The following TIAM2 variants were observed in gnomAD, a reference collection of about 807,000 sequenced individuals.
TIAM2 encodes the protein TIAM Rac1 associated GEF 2, also known as rho guanine nucleotide exchange factor TIAM2.
Under a neutral mutation model 152.9 loss-of-function variants are expected in TIAM2, and 80 were observed. The ratio of observed to expected loss-of-function variants is 0.52; its 90% CI spans 0.44 to 0.63. The LOEUF is 0.63. TIAM2 is among the 30% of genes least tolerant of loss of function. The pLI is 0.00. For missense variants in TIAM2, 1,965 were observed against 2,120.1 expected (o/e 0.93, Z 1.44); for synonymous variants, 804 against 838.0 (o/e 0.96, Z 0.70).
intron 1 of TIAM2, among the ~76,000 whole-genome samples, chr6:155,039,104 G>A (rs1456388050): frequency 6.6e-6 from 1 of 151,608 alleles, no homozygotes; most frequent in Non-Finnish European, 1.5e-5. Flanking sequence ...GGGACTACAG[G>A]TGTGTGCCAC....
chr6:155,007,479 G>T (rs1358788318), intron 1 of TIAM2, among the ~76,000 whole-genome samples: 1 of 151,646 alleles, frequency 6.6e-6, no homozygotes, highest in Non-Finnish European at 1.5e-5. Context: ...CCGCCTCCCG[G>T]GTTCACGCCA....
intron 16 of TIAM2, among the ~76,000 whole-genome samples, chr6:155,242,737 T>TTAG (rs1421429361): frequency 1.3e-5 from 2 of 152,068 alleles, no homozygotes; most frequent in Non-Finnish European, 2.9e-5. Flanking sequence ...CTTCAAATTA[T>TTAG]TATTATTATT....
intron 21 of TIAM2, 149 bp from the exon 22 acceptor site, chr6:155,250,764 C>A: frequency 9.1e-7 from 1 of 1,100,654 alleles, no homozygotes; most frequent in Non-Finnish European, 1.3e-6. Flanking sequence ...AAAGCTCCAC[C>A]GTTTAAGGCC....
At chr6:155,017,505 TC>T (rs1438788404) in intron 1 of TIAM2, among the ~76,000 whole-genome samples, 1 of 59,532 alleles carries the variant, frequency 1.7e-5, no homozygotes, top group Non-Finnish European at 3.4e-5. Flanking sequence ...CTCCATTTTG[TC>T]TTTTTTTTTT....
At chr6:155,215,808 GTTTTA>G (rs546085822) in intron 15 of TIAM2, among the ~76,000 whole-genome samples, 319 of 123,642 alleles carry the variant, frequency 2.6e-3, no homozygotes, top group Non-Finnish European at 4.1e-3. Context: ...TTTAAATTTT[GTTTTA>G]TTTTATTTTT....
At chr6:155,053,614 G>A (rs952193214) in intron 1 of TIAM2, among the ~76,000 whole-genome samples, 1 of 152,048 alleles carries the variant, frequency 6.6e-6, no homozygotes, top group African/African-American at 2.4e-5. Context: ...GGGATTGCAG[G>A]CATGTGCCAC....
chr6:155,163,368 A>T (rs1028807145), intron 7 of TIAM2, among the ~76,000 whole-genome samples: 2 of 152,114 alleles, frequency 1.3e-5, no homozygotes, highest in Non-Finnish European at 1.5e-5. Flanking sequence ...CTCTTCACCT[A>T]TTATTAATAA....
intron 2 of TIAM2, among the ~76,000 whole-genome samples, chr6:155,099,477 T>C (rs760899738): frequency 3.9e-5 from 6 of 152,136 alleles, no homozygotes; most frequent in Non-Finnish European, 8.8e-5. Flanking sequence ...ATGTTAAAAA[T>C]TTATCTTGTT....
chr6:155,181,677 T>C (rs142159755), intron 12 of TIAM2, among the ~76,000 whole-genome samples: 5 of 152,292 alleles, frequency 3.3e-5, no homozygotes, highest in African/African-American at 1.2e-4. Context: ...TAATACTTTG[T>C]ATCTCTCGGA....
intron 15 of TIAM2, among the ~76,000 whole-genome samples, chr6:155,215,181 T>C (rs1325296343): frequency 6.6e-6 from 1 of 152,098 alleles, no homozygotes; most frequent in Non-Finnish European, 1.5e-5. Context: ...TTCAGCAAAA[T>C]AGATATGCAA....
intron 1 of TIAM2, among the ~76,000 whole-genome samples, chr6:155,007,478 G>A (rs1021754956): frequency 2.0e-5 from 3 of 151,300 alleles, no homozygotes; most frequent in African/African-American, 7.3e-5. Flanking sequence ...TCCGCCTCCC[G>A]GGTTCACGCC....
intron 24 of TIAM2, chr6:155,253,270 T>C (rs1783783944): frequency 3.9e-6 from 2 of 518,912 alleles, no homozygotes; most frequent in South Asian, 3.2e-5. Flanking sequence ...ATGCCTTTCA[T>C]TGTTTCCTTA....
intron 7 of TIAM2, among the ~76,000 whole-genome samples, chr6:155,158,099 A>G (rs890094597): frequency 6.6e-6 from 1 of 152,238 alleles, no homozygotes; most frequent in African/African-American, 2.4e-5. Flanking sequence ...TCTTACACCA[A>G]GAAAGAAACA....
At position 155,081,871 on chromosome 6, in the gene TIAM2, A is replaced by G. The variant is rs528251380; in HGVS notation, c.-208-8418A>G. Among the ~76,000 whole-genome samples, 11 of 152,136 alleles carry G rather than the reference A, an allele frequency of 7.2e-5. No individual in the cohort carries two copies. The East Asian group carries it at 1.4e-3, about 19-fold the overall frequency. ...CTCTTGTAGGGTAGCTGCTGCTTGC[A>G]TTTTTGTTCTCGCTCAAGCCACCTT... is the stretch of plus-strand genomic sequence containing the variant. On this transcript the variant is annotated intron_variant, in intron 1 of 26. Transcript: ENST00000682666.
intron 14 of TIAM2, among the ~76,000 whole-genome samples, chr6:155,195,073 T>G (rs1009323191): frequency 1.3e-5 from 2 of 152,242 alleles, no homozygotes; most frequent in Admixed American, 6.5e-5. Context: ...TTTTATCTAT[T>G]ACCCAGTCTC....
At chr6:155,084,760 GC>G (rs1166863189) in intron 1 of TIAM2, among the ~76,000 whole-genome samples, 1 of 152,142 alleles carries the variant, frequency 6.6e-6, no homozygotes, top group East Asian at 1.9e-4. Context: ...GTCATGAATG[GC>G]AGCTTCTCTC....
chr6:155,002,837 C>T (rs986208868), intron 1 of TIAM2, among the ~76,000 whole-genome samples: 45 of 150,838 alleles, frequency 3.0e-4, no homozygotes, highest in Admixed American at 8.7e-4. Context: ...CCCACCACCA[C>T]ATCCAGCTAA....
Position 155,253,032 on chromosome 6 carries a change from G to A in TIAM2, c.4204G>A (p.Val1402Ile). The A allele has an allele frequency of 3.7e-6, 6 of 1,614,146 alleles. No individual in the cohort carries two copies. The highest frequency in any genetic ancestry group is 5.1e-6 in the Non-Finnish European group (6 of 1,180,008). The change falls in exon 24 of 27, where the codon GTC becomes ATC. Residue 1402 changes from valine (V) to isoleucine (I), a missense_variant. This residue lies in a region of TIAM2 where 935 missense variants were observed against 980.0 expected (regional missense o/e 0.95). Transcript: ENST00000682666. ...RWLIPISALQ[V>I]RLGNPAGTEN... ...GTTGATCCCCATCTCCGCGCTTCAA[G>A]TCAGACTGGGGAATCCAGCAGGTAA...
intron 2 of TIAM2, among the ~76,000 whole-genome samples, chr6:155,105,610 T>TC (rs539115434): frequency 5.9e-5 from 9 of 151,956 alleles, no homozygotes; most frequent in African/African-American, 2.2e-4. Context: ...TTTTTTTTTT[T>TC]CTGTTAGCTA....
Sources: gnomAD v4.1 joint callset for allele counts (sites outside exome capture counted in the v4.1 genomes callset) on GRCh38, gnomAD v4.1.1 for gene constraint, gnomAD v4.1.1 regional missense constraint, MANE v1.5 for transcripts, NCBI Gene and HGNC (gene_info 2026-07-23, HGNC 2026-07-21) for gene names.